The following BTRC variants were observed in gnomAD, a reference collection of about 807,000 sequenced individuals.
The protein encoded by BTRC is F-box/WD repeat-containing protein 1A.
BTRC carries 42 observed loss-of-function variants against 85.5 expected under a neutral mutation model. The ratio of observed to expected loss-of-function variants is 0.49; its 90% CI spans 0.38 to 0.64. The LOEUF is 0.64. Among genes scored for constraint, BTRC ranks in the 30% least tolerant of loss-of-function variants. BTRC has a pLI of 0.00. For missense variants in BTRC, 594 were observed against 743.5 expected (o/e 0.80, Z 2.34); for synonymous variants, 255 against 263.3 (o/e 0.97, Z 0.30).
intron 4 of BTRC, among the ~76,000 whole-genome samples, chr10:101,512,019 TTA>T (rs1453218047): frequency 6.6e-6 from 1 of 152,198 alleles, no homozygotes; most frequent in East Asian, 1.9e-4. Context: ...ATTAACATAT[TTA>T]TATATGTTCT....
intron 3 of BTRC, among the ~76,000 whole-genome samples, chr10:101,471,695 C>T (rs1405336622): frequency 6.6e-6 from 1 of 152,080 alleles, no homozygotes; most frequent in Non-Finnish European, 1.5e-5. Flanking sequence ...ATTCACAAAC[C>T]ACTTGGGCCT....
intron 3 of BTRC, among the ~76,000 whole-genome samples, chr10:101,475,175 AT>A (rs1018097546): frequency 3.4e-4 from 52 of 152,164 alleles, no homozygotes; most frequent in African/African-American, 1.3e-3. Context: ...TTTCATATAT[AT>A]TTTGAAATAA....
chr10:101,374,487 A>G (rs1434971373), intron 1 of BTRC, among the ~76,000 whole-genome samples: 3 of 150,196 alleles, frequency 2.0e-5, no homozygotes, highest in African/African-American at 4.9e-5. Flanking sequence ...TTGTAGGGAC[A>G]TGGATGAAAT....
rs148762369 is a variant in BTRC, at chr10:101,541,283, G to A, written c.1656+2912G>A. 4.3e-3 allele frequency among the ~76,000 whole-genome samples: 621 copies of A among 145,142 alleles called. 6 individuals are homozygous for A. Among genetic ancestry groups the A allele is most frequent in the African/African-American group, 0.015 (581 of 38,612 alleles). On this transcript the variant is annotated intron_variant, in intron 13 of 14. Coordinates refer to ENST00000370187, the MANE Select transcript of BTRC (RefSeq NM_033637.4). ...TTTTTCTCTTTTTTTTTTTTGAGAC[G>A]GAGTCTCGCTCTTTCACCCAGGCTG...
chr10:101,371,581 A>G (rs942311469), intron 1 of BTRC, among the ~76,000 whole-genome samples: 4 of 152,308 alleles, frequency 2.6e-5, no homozygotes, highest in South Asian at 4.1e-4. Flanking sequence ...TGATGTCCTC[A>G]GGTTTCATCC....
At chr10:101,485,065 C>G (rs564908012) in intron 4 of BTRC, among the ~76,000 whole-genome samples, 12 of 152,124 alleles carry the variant, frequency 7.9e-5, no homozygotes, top group Non-Finnish European at 1.8e-4. Context: ...ATTGACTGCA[C>G]ATTTGTTGTG....
chr10:101,435,466 G>A (rs1944504020), intron 2 of BTRC, among the ~76,000 whole-genome samples: 1 of 152,020 alleles, frequency 6.6e-6, no homozygotes, highest in Admixed American at 6.6e-5. Context: ...TACATTCTTT[G>A]TGTCTGTTTT....
At chr10:101,354,121 T>C, upstream of BTRC, 2 of 1,540,656 alleles carry the variant, frequency 1.3e-6, no homozygotes, top group Admixed American at 2.0e-5. Flanking sequence ...CTGCGTTGGC[T>C]GCGGCCTGGC....
chr10:101,437,283 A>G (rs1258214325), intron 2 of BTRC, among the ~76,000 whole-genome samples: 2 of 152,200 alleles, frequency 1.3e-5, no homozygotes, highest in Admixed American at 6.5e-5. Flanking sequence ...TTATTATGGA[A>G]TATGTACATT....
At chr10:101,548,226 C>G (rs1287562404) in intron 13 of BTRC, among the ~76,000 whole-genome samples, 1 of 152,206 alleles carries the variant, frequency 6.6e-6, no homozygotes, top group East Asian at 1.9e-4. Context: ...CCCAGCAAGT[C>G]TACTCCTAGT....
chr10:101,416,474 G>A (rs540044773), intron 1 of BTRC, among the ~76,000 whole-genome samples: 1 of 152,180 alleles, frequency 6.6e-6, no homozygotes, highest in South Asian at 2.1e-4. Context: ...GTTCAGTTGA[G>A]GCATCTCTGT....
At chr10:101,522,659 G>C (rs2062134959) in intron 5 of BTRC, among the ~76,000 whole-genome samples, 1 of 151,012 alleles carries the variant, frequency 6.6e-6, no homozygotes, top group Non-Finnish European at 1.5e-5. Flanking sequence ...GACCTCAAAT[G>C]ATTCACCCGC....
intron 2 of BTRC, among the ~76,000 whole-genome samples, chr10:101,445,944 A>G (rs1281542988): frequency 6.6e-6 from 1 of 152,184 alleles, no homozygotes. Context: ...TGATTGAGAT[A>G]TCTCATGGAG....
chr10:101,443,809 G>T (rs1258006426), intron 2 of BTRC, among the ~76,000 whole-genome samples: 1 of 152,138 alleles, frequency 6.6e-6, no homozygotes, highest in Non-Finnish European at 1.5e-5. Flanking sequence ...TTGACATCAA[G>T]TAGATGTAAG....
Position 101,399,558 on chromosome 10 carries a change from G to T in BTRC, c.49-30787G>T, listed in dbSNP as rs537651337. 8.5e-5 allele frequency among the ~76,000 whole-genome samples: 13 copies of T among 152,226 alleles called. No homozygotes were observed. In the South Asian group the frequency reaches 2.7e-3, roughly 32 times the overall value. ...ATATTCCGTGTGCCTAGCTGTTGTT[G>T]CCCCACTGGAATGTCACAATGCAAG... is the stretch of plus-strand genomic sequence containing the variant. On this transcript the variant is annotated intron_variant, in intron 1 of 14. Transcript: ENST00000370187.
At chr10:101,543,632 T>C (rs2062510662) in intron 13 of BTRC, among the ~76,000 whole-genome samples, 1 of 152,040 alleles carries the variant, frequency 6.6e-6, no homozygotes, top group African/African-American at 2.4e-5. Flanking sequence ...TTTTCTTTTT[T>C]ATCTCAGTTT....
At chr10:101,549,359 A>G (rs933103596) in intron 13 of BTRC, among the ~76,000 whole-genome samples, 1 of 151,294 alleles carries the variant, frequency 6.6e-6, no homozygotes, top group African/African-American at 2.4e-5. Context: ...TGAGCCCAGG[A>G]GTTTGAGGTT....
chr10:101,366,862 A>ATGTATATATTTATG (rs1363071699), intron 1 of BTRC, among the ~76,000 whole-genome samples: 1 of 28,746 alleles, frequency 3.5e-5, no homozygotes, highest in Non-Finnish European at 6.4e-5. Flanking sequence ...ATATATATTT[A>ATGTATATATTTATG]TATATTAATA....
At chr10:101,389,015 A>C (rs1943156383) in intron 1 of BTRC, among the ~76,000 whole-genome samples, 1 of 151,228 alleles carries the variant, frequency 6.6e-6, no homozygotes, top group Non-Finnish European at 1.5e-5. Context: ...GATGATTTCT[A>C]ATGGGCTAAT....
Sources: gnomAD v4.1 joint callset for allele counts (sites outside exome capture counted in the v4.1 genomes callset) on GRCh38, gnomAD v4.1.1 for gene constraint, MANE v1.5 for transcripts, NCBI Gene and HGNC (gene_info 2026-07-23, HGNC 2026-07-21) for gene names.